Variants in HNF4A observed in about 807,000 individuals in gnomAD.
HNF4A encodes hepatocyte nuclear factor 4 alpha.
A neutral mutation model predicts 52.4 loss-of-function variants in HNF4A; 15 were observed. The ratio of observed to expected loss-of-function variants is 0.29; its 90% CI spans 0.19 to 0.44. The LOEUF is 0.44. Among genes scored for constraint, HNF4A ranks in the 20% least tolerant of loss-of-function variants. The probability of loss-of-function intolerance (pLI) is 1.00; values close to 1 mark genes in which losing one functional copy is unlikely to be tolerated. For synonymous variants in HNF4A, 280 were observed against 264.4 expected, an observed-to-expected ratio of 1.06 and a Z score of -0.57; for missense variants, 479 against 647.2, an observed-to-expected ratio of 0.74 and a Z score of 2.82.
chr20:44,380,012 G>A (rs527594611), intron 1 of HNF4A, among the ~76,000 whole-genome samples: 11 of 151,756 alleles, frequency 7.2e-5, no homozygotes, highest in Non-Finnish European at 1.5e-4. Flanking sequence ...GATTACAGGC[G>A]TGAGCCACTG....
At chr20:44,406,307 G>T in intron 2 of HNF4A, 75 bp downstream of exon 2, 1 of 1,356,858 alleles carries the variant, frequency 7.4e-7, no homozygotes. Flanking sequence ...TCTTCTCCCT[G>T]AGTGGGTAGG....
At chr20:44,420,162 T>A (rs1455655949) in intron 7 of HNF4A, among the ~76,000 whole-genome samples, 2 of 151,710 alleles carry the variant, frequency 1.3e-5, no homozygotes, top group South Asian at 2.1e-4. Flanking sequence ...AGAAACCCCA[T>A]CTCTACTAAA....
intron 1 of HNF4A, among the ~76,000 whole-genome samples, chr20:44,403,326 C>T (rs998868602): frequency 1.3e-5 from 2 of 152,222 alleles, no homozygotes; most frequent in Admixed American, 6.5e-5. Flanking sequence ...CTCTCTGAGC[C>T]TCAGTTTCCT....
At position 44,406,058 on chromosome 20, in the gene HNF4A, A is replaced by G. The variant is rs1462526900; in HGVS notation, c.116A>G (p.Asp39Gly). The change falls in exon 2 of 10, where the codon GAC becomes GGC. Residue 39 changes from aspartate (D) to glycine (G), a missense_variant and splice_region_variant. Asp to Gly is a moderately conservative substitution (Grantham distance 94). Coordinates refer to ENST00000316099, the MANE Select transcript of HNF4A (RefSeq NM_000457.6). ...CTCACTCCCTTCTCTCCTGGCGCAG[A>G]CACGTCCCCATCAGAAGGCACCAAC... The G allele has an allele frequency of 3.7e-6, 6 of 1,612,110 alleles. No individual in the cohort carries two copies. The South Asian group carries it at 6.6e-5, about 18-fold the overall frequency.
chr20:44,413,902 C>T (rs928397851), intron 4 of HNF4A, 102 bp downstream of exon 4: 17 of 777,908 alleles, frequency 2.2e-5, no homozygotes, highest in Admixed American at 1.4e-4. Context: ...GAGCAGCTGA[C>T]GGGAGGGGCC....
rs751892882 is a variant in HNF4A, at chr20:44,413,813, T to C, written c.492+13T>C. 1.9e-6 allele frequency: 3 copies of C among 1,565,996 alleles called. No individual in the cohort carries two copies. Among genetic ancestry groups the C allele is most frequent in the African/African-American group, 2.7e-5 (2 of 73,962 alleles). On this transcript the variant is annotated intron_variant, in intron 4 of 9. Transcript: ENST00000316099. The stretch of plus-strand genomic sequence containing the variant: ...CCTGTCCCGACAGGTACCGGGGTGA[T>C]CCTGCCACCCACCCAGGGATCCCCC...
intron 1 of HNF4A, among the ~76,000 whole-genome samples, chr20:44,364,229 CA>C (rs1319435957): frequency 1.3e-5 from 2 of 152,066 alleles, no homozygotes; most frequent in Admixed American, 6.6e-5. Flanking sequence ...ATTTTAGAGA[CA>C]GGGGTCTCGC....
intron 1 of HNF4A, among the ~76,000 whole-genome samples, chr20:44,357,678 A>G (rs956171220): frequency 2.6e-5 from 4 of 152,116 alleles, no homozygotes; most frequent in Non-Finnish European, 4.4e-5. Context: ...AATTATTAGA[A>G]TGGTTGCTTC....
Position 44,368,334 on chromosome 20 carries a change from T to C in HNF4A, c.49+12481T>C, listed in dbSNP as rs184536589. ...GGTTTGCATTACCACACCCAGCTAA[T>C]TTTTATATTTTTAGTAGAGATGGGA... On this transcript the variant is annotated intron_variant, in intron 1 of 9. Transcript: ENST00000316673. 4.2e-3 allele frequency among the ~76,000 whole-genome samples: 631 copies of C among 150,708 alleles called. 4 individuals are homozygous for C. The highest frequency in any genetic ancestry group is 0.014 in the African/African-American group (587 of 41,020).
intron 7 of HNF4A, 107 bp downstream of exon 7, chr20:44,419,983 A>T: frequency 1.7e-6 from 2 of 1,190,618 alleles, no homozygotes; most frequent in Non-Finnish European, 2.5e-6. Context: ...ATCTCATGTT[A>T]ACGACAGCCA....
intron 1 of HNF4A, among the ~76,000 whole-genome samples, chr20:44,366,862 G>A (rs550377985): frequency 3.0e-4 from 45 of 152,280 alleles, no homozygotes; most frequent in African/African-American, 1.1e-3. Flanking sequence ...ACAGGTAAAA[G>A]GCAGATGTGG....
At chr20:44,407,912 G>T (rs1169453411) in intron 3 of HNF4A, among the ~76,000 whole-genome samples, 1 of 152,190 alleles carries the variant, frequency 6.6e-6, no homozygotes, top group East Asian at 1.9e-4. Context: ...TGAGCTTCCG[G>T]TCCCAGGGAC....
chr20:44,407,454 C>T lies in HNF4A; in HGVS notation c.364C>T (p.Arg122Trp), dbSNP rs1164178248. 12 of 1,604,638 alleles carry T rather than the reference C, an allele frequency of 7.5e-6. No homozygotes were observed. Among genetic ancestry groups the T allele is most frequent in the Non-Finnish European group, 1.0e-5 (12 of 1,175,046 alleles). Residue 122 changes from arginine (R) to tryptophan (W), a missense_variant, in exon 3 of 10, where the codon CGG becomes TGG. This residue lies in a region of HNF4A where 389 missense variants were observed against 525.1 expected (regional missense o/e 0.74). Coordinates refer to ENST00000316099, the MANE Select transcript of HNF4A (RefSeq NM_000457.6). ...CTACTGCAGGCTCAAGAAATGCTTC[C>T]GGGCTGGCATGAAGAAGGAAGGTGA...
intron 1 of HNF4A, chr20:44,390,393 G>A: frequency 3.9e-6 from 2 of 509,922 alleles, no homozygotes; most frequent in South Asian, 2.8e-5. Flanking sequence ...ATTCCTATTG[G>A]GGTTGGCTCT....
upstream of HNF4A, among the ~76,000 whole-genome samples, chr20:44,398,642 T>A (rs1013992984): frequency 2.4e-4 from 37 of 152,308 alleles, no homozygotes; most frequent in African/African-American, 7.9e-4. Flanking sequence ...GGGATGTGAA[T>A]CTAGAATGTG....
chr20:44,410,865 T>A (rs1276748556), intron 3 of HNF4A, among the ~76,000 whole-genome samples: 2 of 151,692 alleles, frequency 1.3e-5, no homozygotes, highest in Non-Finnish European at 2.9e-5. Flanking sequence ...GGGAGGCACA[T>A]TTCTTGATCT....
At chr20:44,382,017 T>G (rs1000245827) in intron 1 of HNF4A, among the ~76,000 whole-genome samples, 1 of 152,196 alleles carries the variant, frequency 6.6e-6, no homozygotes, top group Admixed American at 6.6e-5. Flanking sequence ...TATGAAAAGG[T>G]CCTATCATTG....
chr20:44,409,132 G>T (rs1460699025), intron 3 of HNF4A, among the ~76,000 whole-genome samples: 1 of 152,142 alleles, frequency 6.6e-6, no homozygotes, highest in Non-Finnish European at 1.5e-5. Context: ...TGATCCCGAT[G>T]CAGGAGTGGG....
At chr20:44,393,575 A>G (rs1324260103) in intron 1 of HNF4A, among the ~76,000 whole-genome samples, 1 of 152,186 alleles carries the variant, frequency 6.6e-6, no homozygotes, top group East Asian at 1.9e-4. Flanking sequence ...GCATGGGTAT[A>G]TGGCTCAACC....
Sources: gnomAD v4.1 joint callset for allele counts (sites outside exome capture counted in the v4.1 genomes callset) on GRCh38, gnomAD v4.1.1 for gene constraint, gnomAD v4.1.1 regional missense constraint, MANE v1.5 for transcripts, NCBI Gene and HGNC (gene_info 2026-07-23, HGNC 2026-07-21) for gene names.